Variants in PBX1 observed in about 807,000 individuals in gnomAD.
PBX1 encodes the protein PBX homeobox 1.
Under a neutral mutation model 53.4 loss-of-function variants are expected in PBX1, and 6 were observed. That is an observed-to-expected ratio of 0.11 (90% CI 0.06 to 0.22). The LOEUF (loss-of-function observed/expected upper bound fraction) is 0.22. Among genes scored for constraint, PBX1 ranks in the 10% least tolerant of loss-of-function variants. The pLI, the probability that PBX1 is intolerant of heterozygous loss-of-function variation, is 1.00. For missense variants in PBX1, 251 were observed against 551.4 expected (o/e 0.46, Z 5.46); for synonymous variants, 204 against 212.3 (o/e 0.96, Z 0.34).
chr1:164,608,284 G>A (rs1656689819), intron 2 of PBX1, among the ~76,000 whole-genome samples: 1 of 152,166 alleles, frequency 6.6e-6, no homozygotes, highest in Admixed American at 6.5e-5. Context: ...ATGGTTAAAG[G>A]AAGGCTCGCA....
intron 2 of PBX1, among the ~76,000 whole-genome samples, chr1:164,754,308 G>A (rs1407064833): frequency 1.3e-5 from 2 of 152,142 alleles, no homozygotes; most frequent in Non-Finnish European, 1.5e-5. Context: ...TGCTGCTGAC[G>A]TTTTAGAACA....
chr1:164,695,890 A>C (rs987618229), intron 2 of PBX1, among the ~76,000 whole-genome samples: 1 of 152,200 alleles, frequency 6.6e-6, no homozygotes, highest in Non-Finnish European at 1.5e-5. Flanking sequence ...CAAAACTTAT[A>C]TCTATCTCAG....
intron 2 of PBX1, among the ~76,000 whole-genome samples, chr1:164,592,696 T>C (rs1201283039): frequency 6.6e-6 from 1 of 152,198 alleles, no homozygotes; most frequent in East Asian, 1.9e-4. Flanking sequence ...TACGACCACA[T>C]GTGGCCAGCC....
At chr1:164,751,029 T>A (rs1200861810) in intron 2 of PBX1, among the ~76,000 whole-genome samples, 1 of 152,064 alleles carries the variant, frequency 6.6e-6, no homozygotes, top group African/African-American at 2.4e-5. Flanking sequence ...AAGATGGTAT[T>A]TGCAGGCTGG....
At chr1:164,734,296 A>G (rs1298983261) in intron 2 of PBX1, among the ~76,000 whole-genome samples, 1 of 152,180 alleles carries the variant, frequency 6.6e-6, no homozygotes, top group Non-Finnish European at 1.5e-5. Flanking sequence ...TATACAATGA[A>G]CCCGAATCAA....
chr1:164,749,378 A>G (rs1666074400), intron 2 of PBX1, among the ~76,000 whole-genome samples: 1 of 152,224 alleles, frequency 6.6e-6, no homozygotes, highest in African/African-American at 2.4e-5. Context: ...TTTAAGTATT[A>G]TTACCCTACA....
chr1:164,844,115 C>CTTTT (rs773961576), intron 8 of PBX1, among the ~76,000 whole-genome samples: 3 of 61,078 alleles, frequency 4.9e-5, no homozygotes, highest in South Asian at 4.5e-4. Flanking sequence ...TTCTTTCTTT[C>CTTTT]TTTTTTTTTT....
intron 2 of PBX1, among the ~76,000 whole-genome samples, chr1:164,864,266 C>T (rs932721627): frequency 7.9e-5 from 12 of 152,002 alleles, no homozygotes; most frequent in African/African-American, 2.9e-4. Context: ...CCCTCCTCTC[C>T]CAGGCCCTAG....
chr1:164,580,869 G>A (rs1041207607), intron 2 of PBX1, among the ~76,000 whole-genome samples: 5 of 152,242 alleles, frequency 3.3e-5, no homozygotes, highest in Admixed American at 6.5e-5. Flanking sequence ...ATGAGCCACC[G>A]CACCTGGCTC....
At chr1:164,622,069 C>G (rs188624597) in intron 2 of PBX1, among the ~76,000 whole-genome samples, 10 of 152,316 alleles carry the variant, frequency 6.6e-5, no homozygotes, top group Admixed American at 5.9e-4. Context: ...TACCCAGCCT[C>G]TCTTCTGCAT....
chr1:164,594,885 A>T (rs1655653417), intron 2 of PBX1, among the ~76,000 whole-genome samples: 1 of 152,236 alleles, frequency 6.6e-6, no homozygotes, highest in African/African-American at 2.4e-5. Context: ...TTAATTTTAT[A>T]GATCAGGACA....
intron 2 of PBX1, among the ~76,000 whole-genome samples, chr1:164,869,882 CA>C (rs1178371828): frequency 6.6e-6 from 1 of 152,146 alleles, no homozygotes; most frequent in African/African-American, 2.4e-5. Context: ...GCAGAGTATA[CA>C]GCACATTCAA....
intron 2 of PBX1, among the ~76,000 whole-genome samples, chr1:164,787,223 G>T (rs771743775): frequency 6.6e-6 from 1 of 152,080 alleles, no homozygotes; most frequent in Non-Finnish European, 1.5e-5. Context: ...TGCACACACC[G>T]TTGGGAGGCT....
At chr1:164,616,905 T>C (rs1657316351) in intron 2 of PBX1, among the ~76,000 whole-genome samples, 1 of 152,196 alleles carries the variant, frequency 6.6e-6, no homozygotes, top group Non-Finnish European at 1.5e-5. Flanking sequence ...ATTTTGAGAC[T>C]GAGGTTCAAA....
At chr1:164,717,964 C>T (rs528671651) in intron 2 of PBX1, among the ~76,000 whole-genome samples, 53 of 152,220 alleles carry the variant, frequency 3.5e-4, no homozygotes, top group African/African-American at 1.3e-3. Flanking sequence ...TGTCAGACAC[C>T]ATATTTGTTG....
At chr1:164,802,479 C>T (rs1669129529) in intron 4 of PBX1, among the ~76,000 whole-genome samples, 1 of 152,172 alleles carries the variant, frequency 6.6e-6, no homozygotes, top group Non-Finnish European at 1.5e-5. Context: ...AGTTTGGCTG[C>T]CTGCTTTCTT....
chr1:164,632,889 G>T (rs1408984649), intron 2 of PBX1, among the ~76,000 whole-genome samples: 1 of 152,128 alleles, frequency 6.6e-6, no homozygotes. Flanking sequence ...AGTGGGAAAT[G>T]GATTTTATGG....
At chr1:164,669,038 T>G (rs920867979) in intron 2 of PBX1, among the ~76,000 whole-genome samples, 4 of 152,128 alleles carry the variant, frequency 2.6e-5, no homozygotes, top group Non-Finnish European at 5.9e-5. Context: ...AGCCCCACTC[T>G]GGGGAGCAAA....
chr1:164,880,881 GA>G (rs1339876527), intron 2 of PBX1, among the ~76,000 whole-genome samples: 4 of 152,082 alleles, frequency 2.6e-5, no homozygotes. Flanking sequence ...GGACAGTTTG[GA>G]AAAGGAAAAA....
Sources: gnomAD v4.1 joint callset for allele counts (sites outside exome capture counted in the v4.1 genomes callset) on GRCh38, gnomAD v4.1.1 for gene constraint, MANE v1.5 for transcripts, NCBI Gene and HGNC (gene_info 2026-07-23, HGNC 2026-07-21) for gene names.